Variants in HS6ST3 observed in about 807,000 individuals in gnomAD.
HS6ST3 encodes heparan sulfate 6-O-sulfotransferase 3.
A neutral mutation model predicts 36.7 loss-of-function variants in HS6ST3; 12 were observed. That is an observed-to-expected ratio of 0.33 (90% CI 0.21 to 0.53). The LOEUF (loss-of-function observed/expected upper bound fraction) is 0.53. Ranked by LOEUF, HS6ST3 falls within the 20% of genes least tolerant of loss-of-function variation. The probability of loss-of-function intolerance (pLI) is 0.95; values close to 1 mark genes in which losing one functional copy is unlikely to be tolerated. For synonymous variants in HS6ST3, 240 were observed against 257.5 expected (o/e 0.93, Z 0.65); for missense variants, 584 against 640.9 (o/e 0.91, Z 0.96).
rs1037413669 is a variant in HS6ST3 at position 96,642,323 on chromosome 13, C to T, written c.708-190167C>T. ...TTCACTATTCTCTGTTCATCACTATCCTTGACTTTTAGCCATTTGATTATA... is the reference window on the plus strand; with the variant it reads ...TTCACTATTCTCTGTTCATCACTATTCTTGACTTTTAGCCATTTGATTATA... On this transcript the variant is annotated intron_variant, in intron 1 of 1. Transcript: ENST00000376705. Among the ~76,000 whole-genome samples, 4 of 151,822 alleles carry T rather than the reference C, an allele frequency of 2.6e-5. No homozygotes were observed. In the East Asian group the frequency reaches 5.8e-4, roughly 22 times the overall value.
chr13:96,818,033 A>C (rs1251151476), intron 1 of HS6ST3, among the ~76,000 whole-genome samples: 3 of 152,198 alleles, frequency 2.0e-5, no homozygotes, highest in African/African-American at 7.2e-5. Context: ...TAGTGTCCCC[A>C]TTTGAGTGTT....
intron 1 of HS6ST3, among the ~76,000 whole-genome samples, chr13:96,433,147 A>G (rs1169005910): frequency 1.3e-5 from 2 of 152,226 alleles, no homozygotes; most frequent in Non-Finnish European, 2.9e-5. Flanking sequence ...TTGAATGATA[A>G]TAAAATTCTC....
chr13:96,596,886 C>T (rs770605818), intron 1 of HS6ST3, among the ~76,000 whole-genome samples: 16 of 152,040 alleles, frequency 1.1e-4, no homozygotes, highest in East Asian at 1.9e-4. Flanking sequence ...CACTTGCATA[C>T]GTTCATTGCA....
At chr13:96,823,634 C>A (rs1206790392) in intron 1 of HS6ST3, among the ~76,000 whole-genome samples, 2 of 148,940 alleles carry the variant, frequency 1.3e-5, no homozygotes, top group African/African-American at 4.9e-5. Flanking sequence ...CTTTTTTTTT[C>A]TTTGAGATGG....
chr13:96,523,296 A>AT (rs2138928953), intron 1 of HS6ST3, among the ~76,000 whole-genome samples: 1 of 151,756 alleles, frequency 6.6e-6, no homozygotes, highest in African/African-American at 2.4e-5. Flanking sequence ...TGCCCTTTAC[A>AT]TTTTTTTCCT....
intron 1 of HS6ST3, among the ~76,000 whole-genome samples, chr13:96,256,607 CA>C (rs2139380716): frequency 6.6e-6 from 1 of 152,208 alleles, no homozygotes; most frequent in African/African-American, 2.4e-5. Context: ...GGGCTTTGCA[CA>C]AGTTGTTGCA....
intron 1 of HS6ST3, among the ~76,000 whole-genome samples, chr13:96,156,608 C>G (rs1008007411): frequency 6.6e-6 from 1 of 152,106 alleles, no homozygotes; most frequent in Non-Finnish European, 1.5e-5. Context: ...AAGGATGCAG[C>G]AGGATTAGTT....
intron 1 of HS6ST3, among the ~76,000 whole-genome samples, chr13:96,560,515 T>G (rs567369637): frequency 1.3e-5 from 2 of 152,282 alleles, no homozygotes; most frequent in Admixed American, 1.3e-4. Context: ...TACTGGAAGT[T>G]CTTGCCAGAG....
chr13:96,152,913 T>G (rs879716736), intron 1 of HS6ST3, among the ~76,000 whole-genome samples: 1 of 152,190 alleles, frequency 6.6e-6, no homozygotes, highest in Non-Finnish European at 1.5e-5. Flanking sequence ...TTTTCCAAAA[T>G]TGCTGTACAC....
intron 1 of HS6ST3, among the ~76,000 whole-genome samples, chr13:96,585,366 A>G (rs997789250): frequency 6.6e-6 from 1 of 152,204 alleles, no homozygotes; most frequent in Non-Finnish European, 1.5e-5. Flanking sequence ...TTGACAGAAA[A>G]ATTATATGCA....
intron 1 of HS6ST3, among the ~76,000 whole-genome samples, chr13:96,659,232 T>C (rs758837868): frequency 5.9e-5 from 9 of 152,220 alleles, no homozygotes; most frequent in Non-Finnish European, 8.8e-5. Flanking sequence ...TGTAGTGGTT[T>C]GGGGTGGTTA....
intron 1 of HS6ST3, among the ~76,000 whole-genome samples, chr13:96,766,102 T>C (rs981920895): frequency 4.6e-5 from 7 of 152,134 alleles, no homozygotes; most frequent in African/African-American, 1.7e-4. Context: ...ATAAGAAAAA[T>C]AGCTGTTAAA....
rs117907277 is a variant in HS6ST3, at chr13:96,429,287, C to T, written c.707+337718C>T. ...CCTGATAGAAACAGTGGTTAAATACCGAAAGGTTACCTATAGAAGCAGCGT... is the reference window on the plus strand; with the variant it reads ...CCTGATAGAAACAGTGGTTAAATACTGAAAGGTTACCTATAGAAGCAGCGT... On this transcript the variant is annotated intron_variant, in intron 1 of 1. Transcript: ENST00000376705. Among the ~76,000 whole-genome samples the T allele has an allele frequency of 1.9e-3, 289 of 152,120 alleles. 1 individual carries two copies. Among genetic ancestry groups the T allele is most frequent in the East Asian group, 0.014 (70 of 5,180 alleles).
At chr13:96,773,367 C>A (rs1484976384) in intron 1 of HS6ST3, among the ~76,000 whole-genome samples, 5 of 152,184 alleles carry the variant, frequency 3.3e-5, no homozygotes, top group Non-Finnish European at 1.5e-5. Flanking sequence ...GCCAAGTGGT[C>A]TAGCTCAGTG....
rs1555303942 is a variant in HS6ST3, at chr13:96,417,590, A to ATATGTG, written c.707+326022_707+326023insATGTGT. Among the ~76,000 whole-genome samples the ATATGTG allele has an allele frequency of 3.6e-5, 5 of 139,982 alleles. No individual in the cohort carries two copies. In the East Asian group the frequency reaches 8.6e-4, roughly 24 times the overall value. 91.8% of individuals were successfully genotyped at this position (139,982 alleles called of 152,430 possible). Reference sequence around the variant, plus strand: ...TGGTGAAAAAAAATAGCATATATATATGTGTGTGTGTGTGTGTGTGTGTGT... The same window carrying ATATGTG: ...TGGTGAAAAAAAATAGCATATATATATATGTGTGTGTGTGTGTGTGTGTGTGTGTGT... On this transcript the variant is annotated intron_variant, in intron 1 of 1. Coordinates refer to ENST00000376705, the MANE Select transcript of HS6ST3 (RefSeq NM_153456.4).
chr13:96,816,423 G>C (rs1449993042), intron 1 of HS6ST3, among the ~76,000 whole-genome samples: 1 of 152,230 alleles, frequency 6.6e-6, no homozygotes, highest in Admixed American at 6.5e-5. Context: ...GCCAAGCAAA[G>C]TAGGATTTCA....
chr13:96,782,532 T>G (rs1215235487), intron 1 of HS6ST3, among the ~76,000 whole-genome samples: 6 of 152,180 alleles, frequency 3.9e-5, no homozygotes. Flanking sequence ...GGACAAGTTG[T>G]GATACAGGGA....
chr13:96,201,343 G>C (rs993036283), intron 1 of HS6ST3, among the ~76,000 whole-genome samples: 1 of 152,012 alleles, frequency 6.6e-6, no homozygotes, highest in African/African-American at 2.4e-5. Flanking sequence ...AGCCATCCTA[G>C]ATTAGGCCAG....
chr13:96,302,728 G>A (rs1350613771), intron 1 of HS6ST3, among the ~76,000 whole-genome samples: 1 of 151,888 alleles, frequency 6.6e-6, no homozygotes, highest in Admixed American at 6.6e-5. Flanking sequence ...ATTTCTCAAA[G>A]GATAATAATA....
Sources: allele counts gnomAD v4.1 joint callset (sites outside exome capture counted in the v4.1 genomes callset), GRCh38; gene constraint gnomAD v4.1.1; transcripts MANE v1.5; gene names NCBI Gene and HGNC (gene_info 2026-07-23, HGNC 2026-07-21).